The following RIN2 variants were observed in gnomAD, a reference collection of about 807,000 sequenced individuals.
RIN2 encodes Ras and Rab interactor 2, also known as RAB5 interacting protein 2.
A neutral mutation model predicts 78.0 loss-of-function variants in RIN2; 36 were observed. That is an observed-to-expected ratio of 0.46 (90% CI 0.35 to 0.61). The LOEUF is 0.61. Among genes scored for constraint, RIN2 ranks in the 20% least tolerant of loss-of-function variants. RIN2 has a pLI of 0.00. For missense variants in RIN2, 1,087 were observed against 1,159.7 expected (o/e 0.94, Z 0.91); for synonymous variants, 466 against 466.8 (o/e 1.00, Z 0.02).
At chr20:19,965,756 C>T (rs1009631463) in intron 7 of RIN2, among the ~76,000 whole-genome samples, 1 of 152,052 alleles carries the variant, frequency 6.6e-6, no homozygotes, top group Admixed American at 6.6e-5. Flanking sequence ...AGATTACAGG[C>T]GCCTACCACT....
intron 3 of RIN2, among the ~76,000 whole-genome samples, chr20:19,901,566 G>C (rs1008035415): frequency 6.6e-6 from 1 of 152,044 alleles, no homozygotes; most frequent in African/African-American, 2.4e-5. Flanking sequence ...CTCCGTTGTT[G>C]GTATACACTG....
At chr20:19,994,017 C>T (rs1231270226) in intron 11 of RIN2, among the ~76,000 whole-genome samples, 1 of 152,248 alleles carries the variant, frequency 6.6e-6, no homozygotes, top group African/African-American at 2.4e-5. Flanking sequence ...GAAACAGCTA[C>T]TTCCTGCCCC....
chr20:19,915,194 A>G (rs1427091501), intron 3 of RIN2, among the ~76,000 whole-genome samples: 1 of 152,174 alleles, frequency 6.6e-6, no homozygotes, highest in Non-Finnish European at 1.5e-5. Flanking sequence ...GTGATCACAG[A>G]AAGTTCATGT....
intron 2 of RIN2, among the ~76,000 whole-genome samples, chr20:19,880,429 G>A (rs956064953): frequency 2.4e-4 from 26 of 107,664 alleles, no homozygotes; most frequent in Non-Finnish European, 3.5e-4. Context: ...CTGAGACAGC[G>A]TCTCACTCTG....
chr20:19,827,948 A>G (rs1399230975), intron 2 of RIN2, among the ~76,000 whole-genome samples: 2 of 151,728 alleles, frequency 1.3e-5, no homozygotes, highest in African/African-American at 4.8e-5. Flanking sequence ...GGCATTATTC[A>G]CACAGATCCA....
At chr20:19,922,288 G>A (rs1183943770) in intron 3 of RIN2, among the ~76,000 whole-genome samples, 2 of 152,114 alleles carry the variant, frequency 1.3e-5, no homozygotes, top group Non-Finnish European at 2.9e-5. Flanking sequence ...GACTGACCCT[G>A]GAGACCCTTC....
chr20:19,782,892 G>A (rs746397218), intron 1 of RIN2, among the ~76,000 whole-genome samples: 4 of 152,202 alleles, frequency 2.6e-5, no homozygotes, highest in Non-Finnish European at 5.9e-5. Flanking sequence ...TGCATCCCCT[G>A]CCTACCTGTA....
chr20:19,865,983 C>T (rs2037494474), intron 2 of RIN2, among the ~76,000 whole-genome samples: 1 of 151,978 alleles, frequency 6.6e-6, no homozygotes, highest in Admixed American at 6.6e-5. Context: ...ATGATTCAAG[C>T]ACATTACATT....
rs188970981 is a variant in RIN2 at position 19,923,146 on chromosome 20, G to A, written c.58-11953G>A. On this transcript the variant is annotated intron_variant, in intron 3 of 12. Transcript: ENST00000255006. Reference sequence around the variant, plus strand: ...ACTAAGTTGGCCAAGAGGCCAGCGCGGTAGCTCACGCCTGTAATCGCAGCA... The same window carrying A: ...ACTAAGTTGGCCAAGAGGCCAGCGCAGTAGCTCACGCCTGTAATCGCAGCA... Among the ~76,000 whole-genome samples, 360 of 152,254 alleles carry A rather than the reference G, an allele frequency of 2.4e-3. 1 individual carries two copies. The highest frequency in any genetic ancestry group is 8.5e-3 in the African/African-American group (352 of 41,558).
At position 19,935,142 on chromosome 20, in the gene RIN2, A is replaced by T. The variant is rs776495019; in HGVS notation, c.101A>T (p.Glu34Val). ...TCGGAGATCGGAGAACTGAAACAGG[A>T]GATGGTGCGGACAGATGTCAACCTG... ...IASEIGELKQ[E>V]MVRTDVNLEN... Residue 34 changes from glutamate (E) to valine (V), a missense_variant, in exon 4 of 13, where the codon GAG becomes GTG. Glu to Val is a moderately radical substitution (Grantham distance 121). This residue lies in a region of RIN2 where 706 missense variants were observed against 667.5 expected (regional missense o/e 1.06). Transcript: ENST00000255006. 30 of 1,605,040 alleles carry T rather than the reference A, an allele frequency of 1.9e-5. No homozygotes were observed. The South Asian group carries it at 3.3e-4, about 17-fold the overall frequency.
At chr20:19,792,809 C>T (rs1036516810) in intron 1 of RIN2, among the ~76,000 whole-genome samples, 3 of 152,170 alleles carry the variant, frequency 2.0e-5, no homozygotes, top group Non-Finnish European at 4.4e-5. Context: ...CAGCATAGTG[C>T]CTGGCATGGA....
chr20:19,922,738 G>A (rs982074356), intron 3 of RIN2, among the ~76,000 whole-genome samples: 9 of 152,168 alleles, frequency 5.9e-5, no homozygotes, highest in Non-Finnish European at 8.8e-5. Flanking sequence ...ATAAGGTGGG[G>A]AGCTTCCCTC....
chr20:19,863,789 T>C (rs1341861246), intron 2 of RIN2, among the ~76,000 whole-genome samples: 2 of 152,032 alleles, frequency 1.3e-5, no homozygotes, highest in Non-Finnish European at 2.9e-5. Context: ...CCCAGAATGG[T>C]TGTTTCTGCT....
intron 1 of RIN2, among the ~76,000 whole-genome samples, chr20:19,798,924 G>A (rs1406464456): frequency 6.6e-6 from 1 of 151,308 alleles, no homozygotes; most frequent in Non-Finnish European, 1.5e-5. Context: ...TTTTGAAATG[G>A]AGTCTCACTC....
At chr20:19,997,010 T>G (rs1294551810) in intron 12 of RIN2, among the ~76,000 whole-genome samples, 168 bp downstream of exon 12, 2 of 152,164 alleles carry the variant, frequency 1.3e-5, no homozygotes, top group Non-Finnish European at 1.5e-5. Flanking sequence ...TCTTTACATT[T>G]ATATACGCAT....
intron 1 of RIN2, among the ~76,000 whole-genome samples, chr20:19,767,132 C>T (rs1220174535): frequency 6.6e-6 from 1 of 152,122 alleles, no homozygotes; most frequent in Non-Finnish European, 1.5e-5. Context: ...ACCCAAAATA[C>T]AGGGGAAATT....
At chr20:19,886,020 G>A (rs1035166021) in intron 2 of RIN2, among the ~76,000 whole-genome samples, 3 of 152,286 alleles carry the variant, frequency 2.0e-5, no homozygotes, top group Admixed American at 6.5e-5. Flanking sequence ...AATAGGCGAC[G>A]GGGGAGGGCA....
intron 2 of RIN2, among the ~76,000 whole-genome samples, chr20:19,821,513 G>A (rs912478099): frequency 6.6e-6 from 1 of 151,992 alleles, no homozygotes; most frequent in Non-Finnish European, 1.5e-5. Flanking sequence ...TGTCTCTATG[G>A]CCTAAGGATG....
chr20:19,935,917 A>T (rs951920452), intron 4 of RIN2, among the ~76,000 whole-genome samples: 8 of 152,348 alleles, frequency 5.3e-5, no homozygotes, highest in African/African-American at 1.9e-4. Context: ...CTTAGAGGCC[A>T]GATTTGTTAA....
Sources: gnomAD v4.1 joint callset for allele counts (sites outside exome capture counted in the v4.1 genomes callset) on GRCh38, gnomAD v4.1.1 for gene constraint, gnomAD v4.1.1 regional missense constraint, MANE v1.5 for transcripts, NCBI Gene and HGNC (gene_info 2026-07-23, HGNC 2026-07-21) for gene names.